Variants in SLC39A10 observed in about 807,000 individuals in gnomAD.
The protein encoded by SLC39A10 is zinc transporter ZIP10.
Under a neutral mutation model 65.1 loss-of-function variants are expected in SLC39A10, and 13 were observed. The observed-to-expected ratio is 0.20, with a 90% CI of 0.13 to 0.32. The LOEUF (loss-of-function observed/expected upper bound fraction) is 0.32, where lower values mean the gene tolerates loss of function less well. Among genes scored for constraint, SLC39A10 ranks in the 10% least tolerant of loss-of-function variants. The pLI, the probability that SLC39A10 is intolerant of heterozygous loss-of-function variation, is 1.00. For missense variants in SLC39A10, 831 were observed against 1,018.4 expected (o/e 0.82, Z 2.50); for synonymous variants, 321 against 342.2 (o/e 0.94, Z 0.68).
intron 2 of SLC39A10, among the ~76,000 whole-genome samples, chr2:195,625,217 A>G (rs1408567008): frequency 9.1e-6 from 1 of 110,384 alleles, no homozygotes; most frequent in Admixed American, 1.1e-4. Flanking sequence ...ACTCTGTCTC[A>G]AAAAAAAAGA....
chr2:195,654,317 G>A (rs1360386846), upstream of SLC39A10, among the ~76,000 whole-genome samples: 3 of 152,202 alleles, frequency 2.0e-5, no homozygotes, highest in Admixed American at 6.5e-5. Context: ...TCCTCTGTAA[G>A]AGGGAAACCC....
chr2:195,664,810 T>C (rs1361571092), intron 1 of SLC39A10, among the ~76,000 whole-genome samples: 1 of 152,206 alleles, frequency 6.6e-6, no homozygotes, highest in Non-Finnish European at 1.5e-5. Flanking sequence ...GTTTTTCCCC[T>C]CATCTTGGAA....
At chr2:195,657,570 C>G (rs1689200687) in intron 1 of SLC39A10, 1 of 983,726 alleles carries the variant, frequency 1.0e-6, no homozygotes, top group African/African-American at 1.7e-5. Flanking sequence ...GCATCCACTT[C>G]GCGTGCGGAG....
chr2:195,623,144 G>T (rs1480830679), intron 2 of SLC39A10, among the ~76,000 whole-genome samples: 1 of 152,074 alleles, frequency 6.6e-6, no homozygotes, highest in Non-Finnish European at 1.5e-5. Flanking sequence ...GGGGTATGAG[G>T]AAAGTTAAGT....
intron 2 of SLC39A10, among the ~76,000 whole-genome samples, chr2:195,644,890 C>CCTTATTTA (rs1553494387): frequency 7.2e-6 from 1 of 138,144 alleles, no homozygotes; most frequent in African/African-American, 2.7e-5. Context: ...AATCTAACTA[C>CCTTATTTA]TTTATTTATT....
intron 3 of SLC39A10, among the ~76,000 whole-genome samples, chr2:195,702,345 C>G (rs1691223867): frequency 6.6e-6 from 1 of 152,116 alleles, no homozygotes; most frequent in Non-Finnish European, 1.5e-5. Flanking sequence ...ATTCAGGACA[C>G]CAGGCACAGC....
At chr2:195,613,712 C>T (rs1688146028) in intron 2 of SLC39A10, among the ~76,000 whole-genome samples, 2 of 152,102 alleles carry the variant, frequency 1.3e-5, no homozygotes, top group Non-Finnish European at 2.9e-5. Context: ...CATTTAACCA[C>T]AGAAGTGATT....
At position 195,681,049 on chromosome 2, in the gene SLC39A10, A is replaced by C; in HGVS notation, c.1007A>C (p.Glu336Ala). 1 of 1,601,108 alleles carries C rather than the reference A, an allele frequency of 6.2e-7. No individual in the cohort carries two copies. The change falls in exon 2 of 10, where the codon GAA becomes GCA. Residue 336 changes from glutamate to alanine, a missense_variant and splice_region_variant. Coordinates refer to ENST00000359634, the MANE Select transcript of SLC39A10 (RefSeq NM_020342.3). ...KDLNEDDHHH[E>A]CLNVTQLLKY... Reference sequence around the variant, plus strand: ...CTAAATGAAGATGACCATCATCATGAAGTAAGTATAAAAAGATGTCCGATA... The same window carrying C: ...CTAAATGAAGATGACCATCATCATGCAGTAAGTATAAAAAGATGTCCGATA...
chr2:195,643,645 G>A (rs1326137187), intron 2 of SLC39A10, among the ~76,000 whole-genome samples: 1 of 152,170 alleles, frequency 6.6e-6, no homozygotes, highest in African/African-American at 2.4e-5. Context: ...GTTTGGGGTT[G>A]GATGAGGGAG....
At chr2:195,652,506 G>T (rs565954704), upstream of SLC39A10, among the ~76,000 whole-genome samples, 1 of 146,154 alleles carries the variant, frequency 6.8e-6, no homozygotes, top group Admixed American at 6.9e-5. Context: ...CCGAGATCTC[G>T]CCACTGCACT....
intron 1 of SLC39A10, among the ~76,000 whole-genome samples, chr2:195,657,812 T>G (rs892607739): frequency 6.6e-6 from 1 of 152,106 alleles, no homozygotes; most frequent in African/African-American, 2.4e-5. Flanking sequence ...TGGTCTGTAA[T>G]GGGGCGAGGG....
intron 2 of SLC39A10, among the ~76,000 whole-genome samples, chr2:195,620,021 C>CT (rs1429337175): frequency 1.3e-5 from 2 of 152,204 alleles, no homozygotes; most frequent in Admixed American, 6.5e-5. Flanking sequence ...CTCCCGGGCT[C>CT]AAGCGATTCT....
At chr2:195,729,857 G>A (rs1034139174) in intron 9 of SLC39A10, among the ~76,000 whole-genome samples, 1 of 151,768 alleles carries the variant, frequency 6.6e-6, no homozygotes, top group African/African-American at 2.4e-5. Flanking sequence ...GGAATGCAAT[G>A]GTGCAATCAT....
intron 8 of SLC39A10, among the ~76,000 whole-genome samples, chr2:195,727,468 G>A (rs926176632): frequency 1.3e-5 from 2 of 152,102 alleles, no homozygotes; most frequent in African/African-American, 4.8e-5. Context: ...CGGAAAAGTG[G>A]TAGGAAGAGC....
At chr2:195,639,738 G>A (rs1013299345) in intron 2 of SLC39A10, among the ~76,000 whole-genome samples, 1 of 151,968 alleles carries the variant, frequency 6.6e-6, no homozygotes, top group African/African-American at 2.4e-5. Flanking sequence ...CACCACACCC[G>A]GCTAATTTTT....
chr2:195,715,271 T>C (rs1187006304), intron 6 of SLC39A10, among the ~76,000 whole-genome samples: 1 of 151,984 alleles, frequency 6.6e-6, no homozygotes, highest in Admixed American at 6.5e-5. Context: ...CTCACGCCTG[T>C]CATCCCGGCA....
At chr2:195,676,306 C>T (rs1015099556) in intron 1 of SLC39A10, among the ~76,000 whole-genome samples, 4 of 151,864 alleles carry the variant, frequency 2.6e-5, no homozygotes, top group African/African-American at 4.8e-5. Context: ...TCTCCTGCCT[C>T]GGCCTCCTGA....
Position 195,724,087 on chromosome 2 carries a change from T to C in SLC39A10, c.2147-4072T>C, listed in dbSNP as rs1413601505. On this transcript the variant is annotated intron_variant, in intron 8 of 9. Coordinates refer to ENST00000359634, the MANE Select transcript of SLC39A10 (RefSeq NM_020342.3). ...ATTGAACATTCATTGTATACATTTATGTAGAATTTTAACATGTATACAACC... is the reference window on the plus strand; with the variant it reads ...ATTGAACATTCATTGTATACATTTACGTAGAATTTTAACATGTATACAACC... 1.3e-4 allele frequency among the ~76,000 whole-genome samples: 20 copies of C among 152,344 alleles called. No individual in the cohort carries two copies. In the East Asian group the frequency reaches 3.7e-3, roughly 28 times the overall value.
intron 2 of SLC39A10, among the ~76,000 whole-genome samples, chr2:195,636,439 A>C (rs1688697646): frequency 2.0e-5 from 3 of 152,226 alleles, no homozygotes; most frequent in Admixed American, 2.0e-4. Context: ...AAACAAATGC[A>C]CTTTGTAGTC....
Sources: gnomAD v4.1 joint callset for allele counts (sites outside exome capture counted in the v4.1 genomes callset) on GRCh38, gnomAD v4.1.1 for gene constraint, MANE v1.5 for transcripts, NCBI Gene and HGNC (gene_info 2026-07-23, HGNC 2026-07-21) for gene names.